The following NUDCD3 variants were observed in gnomAD, a reference collection of about 807,000 sequenced individuals.
NUDCD3 encodes the protein nudC domain-containing protein 3.
In NUDCD3, 13 loss-of-function variants were observed where a neutral mutation model predicts 39.7. The observed-to-expected ratio is 0.33, with a 90% CI of 0.21 to 0.52. The LOEUF (loss-of-function observed/expected upper bound fraction) is 0.52, where lower values mean the gene tolerates loss of function less well. Ranked by LOEUF, NUDCD3 falls within the 20% of genes least tolerant of loss-of-function variation. The pLI, the probability that NUDCD3 is intolerant of heterozygous loss-of-function variation, is 0.96. For synonymous variants in NUDCD3, 175 were observed against 172.4 expected, an observed-to-expected ratio of 1.02 and a Z score of -0.12; for missense variants, 453 against 458.1, an observed-to-expected ratio of 0.99 and a Z score of 0.10.
intron 3 of NUDCD3, among the ~76,000 whole-genome samples, chr7:44,419,685 C>T (rs1046831470): frequency 2.0e-5 from 3 of 152,152 alleles, no homozygotes; most frequent in Non-Finnish European, 4.4e-5. Context: ...CTGCAGCCTC[C>T]ACTGGTGATA....
chr7:44,433,310 C>T (rs1799400912), intron 2 of NUDCD3, among the ~76,000 whole-genome samples: 1 of 152,040 alleles, frequency 6.6e-6, no homozygotes, highest in Non-Finnish European at 1.5e-5. Context: ...GTGCAGTGCA[C>T]TGTGTGGTAA....
At chr7:44,455,270 T>C (rs1799870180) in intron 2 of NUDCD3, among the ~76,000 whole-genome samples, 1 of 152,114 alleles carries the variant, frequency 6.6e-6, no homozygotes, top group Non-Finnish European at 1.5e-5. Flanking sequence ...GCTTCTTATG[T>C]GCATAAAGAG....
intron 3 of NUDCD3, among the ~76,000 whole-genome samples, chr7:44,418,654 A>G (rs1442967533): frequency 1.3e-5 from 2 of 152,226 alleles, no homozygotes; most frequent in African/African-American, 2.4e-5. Flanking sequence ...GAATAGGAAT[A>G]GCTCTGGTCT....
At chr7:44,466,574 C>T (rs1229852635) in intron 2 of NUDCD3, among the ~76,000 whole-genome samples, 2 of 152,194 alleles carry the variant, frequency 1.3e-5, no homozygotes, top group South Asian at 2.1e-4. Context: ...GTTCTGGGCT[C>T]AGCCATGCTG....
At chr7:44,479,794 T>C (rs930757159) in intron 2 of NUDCD3, among the ~76,000 whole-genome samples, 7 of 152,236 alleles carry the variant, frequency 4.6e-5, no homozygotes, top group Non-Finnish European at 8.8e-5. Flanking sequence ...TGCAGATCTA[T>C]AATTTATAGG....
intron 2 of NUDCD3, among the ~76,000 whole-genome samples, chr7:44,460,727 G>A (rs1799991572): frequency 6.6e-6 from 1 of 152,104 alleles, no homozygotes; most frequent in African/African-American, 2.4e-5. Context: ...AGATGAAAAG[G>A]ATAGGATGCT....
chr7:44,382,248 G>C lies in NUDCD3; in HGVS notation c.*3763C>G, dbSNP rs969512264. 1 of 152,088 alleles carries C rather than the reference G, an allele frequency of 6.6e-6. No homozygotes were observed. Among genetic ancestry groups the C allele is most frequent in the African/African-American group, 2.4e-5 (1 of 41,404 alleles). The allele number at this position is 152,088 out of a possible 1,614,324, so 9.4% of individuals were successfully genotyped here. ...AAAACTACATATCAGGTATCATGCTGATTACCTGGGTGACAAAATTATCTG... is the reference window on the plus strand; with the variant it reads ...AAAACTACATATCAGGTATCATGCTCATTACCTGGGTGACAAAATTATCTG... On this transcript the variant is annotated 3_prime_UTR_variant, in exon 6 of 6. Transcript: ENST00000355451.
At chr7:44,455,706 C>T (rs1201196338) in intron 2 of NUDCD3, among the ~76,000 whole-genome samples, 1 of 152,122 alleles carries the variant, frequency 6.6e-6, no homozygotes, top group Non-Finnish European at 1.5e-5. Context: ...ATGTGTCTAC[C>T]TGCTCAGAAC....
At chr7:44,449,374 T>C (rs1253401120) in intron 2 of NUDCD3, among the ~76,000 whole-genome samples, 1 of 152,258 alleles carries the variant, frequency 6.6e-6, no homozygotes, top group Non-Finnish European at 1.5e-5. Context: ...CCCAAGGAAG[T>C]TGTCCATAGC....
At chr7:44,447,883 T>C (rs1165661928) in intron 2 of NUDCD3, among the ~76,000 whole-genome samples, 1 of 152,198 alleles carries the variant, frequency 6.6e-6, no homozygotes, top group African/African-American at 2.4e-5. Context: ...CCACACAGGA[T>C]TGCACACAGA....
intron 2 of NUDCD3, among the ~76,000 whole-genome samples, chr7:44,449,820 T>C (rs1189002635): frequency 2.0e-5 from 3 of 150,742 alleles, no homozygotes; most frequent in African/African-American, 7.3e-5. Flanking sequence ...TAGGCCAAGA[T>C]TTCCTAGATA....
intron 3 of NUDCD3, among the ~76,000 whole-genome samples, chr7:44,407,269 TAA>T (rs370365897): frequency 2.2e-5 from 3 of 137,036 alleles, no homozygotes; most frequent in Admixed American, 7.4e-5. Flanking sequence ...ATTTTTGTAT[TAA>T]AAAAAAAAAA....
chr7:44,394,778 G>C (rs1305357740), intron 4 of NUDCD3, among the ~76,000 whole-genome samples: 1 of 152,240 alleles, frequency 6.6e-6, no homozygotes, highest in Non-Finnish European at 1.5e-5. Flanking sequence ...CACCATGTGG[G>C]CAGGGGGTCG....
intron 4 of NUDCD3, 32 bp downstream of exon 4, chr7:44,404,408 T>A (rs1798777564): frequency 6.2e-7 from 1 of 1,607,460 alleles, no homozygotes; most frequent in African/African-American, 1.3e-5. Context: ...GAAGTCCACC[T>A]GGGAGCCCTA....
At chr7:44,468,111 G>A (rs1168140102) in intron 2 of NUDCD3, 1 of 1,608,930 alleles carries the variant, frequency 6.2e-7, no homozygotes, top group Non-Finnish European at 8.5e-7. Flanking sequence ...ATGCTGCCCA[G>A]TGGCTTCCGG....
In NUDCD3 at chr7:44,379,206, T is replaced by C. The variant is rs1477151275; in HGVS notation, c.*6805A>G. 6.6e-6 allele frequency: 1 copy of C among 151,674 alleles called. No homozygotes were observed. The highest frequency in any genetic ancestry group is 1.5e-5 in the Non-Finnish European group (1 of 68,040). The allele number at this position is 151,674 out of a possible 1,614,324, so 9.4% of individuals were successfully genotyped here. On this transcript the variant is annotated 3_prime_UTR_variant, in exon 6 of 6. Transcript: ENST00000355451. ...AGTGGTGCACACTTACAGTCCCAGC[T>C]ACTTGGGAGGCTGAAGCAGGAGGAT...
At chr7:44,443,307 T>A (rs1028926020) in intron 2 of NUDCD3, among the ~76,000 whole-genome samples, 1 of 152,312 alleles carries the variant, frequency 6.6e-6, no homozygotes, top group East Asian at 1.9e-4. Context: ...CCACAACTTG[T>A]TACCTTTAAA....
chr7:44,484,763 C>T (rs1395609689), intron 2 of NUDCD3: 2 of 554,254 alleles, frequency 3.6e-6, no homozygotes, highest in East Asian at 3.0e-5. Flanking sequence ...ACTGACCTTA[C>T]CAAATGAGGG....
chr7:44,434,714 G>A (rs181949286), intron 2 of NUDCD3, among the ~76,000 whole-genome samples: 4 of 152,266 alleles, frequency 2.6e-5, no homozygotes, highest in Non-Finnish European at 4.4e-5. Context: ...CAGTCCCCTA[G>A]CAGTCAAGCA....
Sources: allele counts gnomAD v4.1 joint callset (sites outside exome capture counted in the v4.1 genomes callset), GRCh38; gene constraint gnomAD v4.1.1; transcripts MANE v1.5; gene names NCBI Gene and HGNC (gene_info 2026-07-23, HGNC 2026-07-21).